The following SLX9 variants were observed in gnomAD, a reference collection of about 807,000 sequenced individuals.
SLX9 encodes SLX9 ribosome biogenesis factor.
A neutral mutation model predicts 20.8 loss-of-function variants in SLX9; 19 were observed. The ratio of observed to expected loss-of-function variants is 0.91; its 90% CI spans 0.64 to 1.34. The LOEUF (loss-of-function observed/expected upper bound fraction) is 1.34, where lower values mean the gene tolerates loss of function less well. Among genes scored for constraint, SLX9 ranks in the 40% most tolerant of loss-of-function variants. The pLI, the probability that SLX9 is intolerant of heterozygous loss-of-function variation, is 0.00. For synonymous variants in SLX9, 113 were observed against 137.1 expected, an observed-to-expected ratio of 0.82 and a Z score of 1.23; for missense variants, 299 against 322.2, an observed-to-expected ratio of 0.93 and a Z score of 0.55.
chr21:44,964,207 G>C (rs2084993475), intron 3 of SLX9, among the ~76,000 whole-genome samples: 1 of 151,908 alleles, frequency 6.6e-6, no homozygotes, highest in African/African-American at 2.4e-5. Context: ...AAATACAATT[G>C]GTTTTTTAAA....
rs781288468 is a variant in SLX9, at chr21:44,940,048, C to T, written c.-10C>T. 3.5e-6 allele frequency: 5 copies of T among 1,447,028 alleles called. No individual in the cohort carries two copies. The Admixed American group carries it at 1.1e-4, about 32-fold the overall frequency. 89.6% of individuals were successfully genotyped at this position (1,447,028 alleles called of 1,614,324 possible). A position where few individuals can be genotyped will look rare whatever the true frequency, so the allele number is the denominator to read the frequency against. ...GGCGCTCCGCACGTTTGCCGTGCTC[C>T]GCCGGGAAGATGGGGAAAGTGAGGG... On this transcript the variant is annotated 5_prime_UTR_variant, in exon 1 of 6. Transcript: ENST00000291634.
intron 2 of SLX9, among the ~76,000 whole-genome samples, chr21:44,956,554 C>T (rs955917398): frequency 8.7e-4 from 133 of 152,184 alleles, no homozygotes; most frequent in Non-Finnish European, 1.8e-4. Flanking sequence ...CTCTGTAGGC[C>T]GCAGCATCTC....
At chr21:44,957,263 G>A (rs2084875460) in intron 2 of SLX9, among the ~76,000 whole-genome samples, 1 of 152,210 alleles carries the variant, frequency 6.6e-6, no homozygotes, top group South Asian at 2.1e-4. Flanking sequence ...CAGAGTCAAG[G>A]GTTAGAGGGG....
chr21:44,971,857 G>T (rs11701017), intron 4 of SLX9, among the ~76,000 whole-genome samples: 77,150 of 152,080 alleles, frequency 0.51, 23,321 homozygotes, highest in South Asian at 0.78. Flanking sequence ...AGGAGAGGCC[G>T]TGGGGAGATG....
chr21:44,950,546 A>G (rs527649302), intron 2 of SLX9, among the ~76,000 whole-genome samples: 16 of 152,302 alleles, frequency 1.1e-4, no homozygotes, highest in East Asian at 5.8e-4. Flanking sequence ...TGGGAGCCCA[A>G]TGACTTGTTT....
chr21:44,959,676 A>T (rs2084919507), intron 2 of SLX9, among the ~76,000 whole-genome samples: 1 of 152,162 alleles, frequency 6.6e-6, no homozygotes, highest in Admixed American at 6.5e-5. Context: ...GCTGGGCCTG[A>T]CGTGACCACA....
At chr21:44,962,837 T>C (rs73906981) in intron 3 of SLX9, among the ~76,000 whole-genome samples, 11,462 of 152,050 alleles carry the variant, frequency 0.075, 1,426 homozygotes, top group African/African-American at 0.26. Context: ...GCCTGCCGTC[T>C]CCTCAGCCTC....
intron 4 of SLX9, among the ~76,000 whole-genome samples, chr21:44,971,946 C>G (rs2085158347): frequency 6.6e-6 from 1 of 152,188 alleles, no homozygotes; most frequent in Admixed American, 6.5e-5. Flanking sequence ...ATGCGAGGGG[C>G]TGTCATCTGC....
chr21:44,962,857 G>A (rs2084968790), intron 3 of SLX9, among the ~76,000 whole-genome samples: 1 of 152,124 alleles, frequency 6.6e-6, no homozygotes. Flanking sequence ...CGGCCGTCTG[G>A]TAATCATGAA....
At chr21:44,960,224 C>A in intron 3 of SLX9, 56 bp downstream of exon 3, 1 of 1,503,532 alleles carries the variant, frequency 6.7e-7, no homozygotes, top group Non-Finnish European at 9.3e-7. Flanking sequence ...ATCCCGTGGG[C>A]CCTCCTATTC....
At chr21:44,944,833 C>G (rs2084613719) in intron 2 of SLX9, among the ~76,000 whole-genome samples, 1 of 152,240 alleles carries the variant, frequency 6.6e-6, no homozygotes, top group Non-Finnish European at 1.5e-5. Flanking sequence ...GCCTGGTAGC[C>G]TCTGGCTGGA....
At chr21:44,963,756 C>G (rs1424641179) in intron 3 of SLX9, among the ~76,000 whole-genome samples, 2 of 151,360 alleles carry the variant, frequency 1.3e-5, no homozygotes, top group Admixed American at 1.3e-4. Flanking sequence ...GTCTTCTGTT[C>G]CATTGATCTA....
At position 44,976,660 on chromosome 21, in the gene SLX9, T is replaced by G; in HGVS notation, c.570-20T>G. On this transcript the variant is annotated intron_variant, in intron 5 of 5. Coordinates refer to ENST00000291634, the MANE Select transcript of SLX9 (RefSeq NM_058190.4). The stretch of plus-strand genomic sequence containing the variant: ...GTCCGGGGGTTCCTGCCTGCTGATC[T>G]GTGGTCTCCATTCTTTCAGCGAGGA... 1 of 1,576,164 alleles carries G rather than the reference T, an allele frequency of 6.3e-7. No individual in the cohort carries two copies. The highest frequency in any genetic ancestry group is 8.6e-7 in the Non-Finnish European group (1 of 1,160,516).
chr21:44,940,672 A>ATTTT (rs34771024), intron 1 of SLX9, among the ~76,000 whole-genome samples: 2,704 of 146,052 alleles, frequency 0.019, 85 homozygotes, highest in African/African-American at 0.065. Context: ...TGCTTTCAGG[A>ATTTT]TTTTTTTTTT....
At chr21:44,941,284 C>T in intron 1 of SLX9, among the ~76,000 whole-genome samples, 1 of 152,126 alleles carries the variant, frequency 6.6e-6, no homozygotes, top group East Asian at 1.9e-4. Flanking sequence ...AGCAGGTGGG[C>T]CTTCTTTGAA....
rs549353198 is a variant in SLX9 at position 44,951,836 on chromosome 21, C to A, written c.283+7999C>A. ...CCTTAGCTAGCAGTGTCTTCAGGAG[C>A]CCTTGCTGCTCTTTGTCCGAGCAGG... On this transcript the variant is annotated intron_variant, in intron 2 of 5. Transcript: ENST00000291634. Among the ~76,000 whole-genome samples, 4 of 152,180 alleles carry A rather than the reference C, an allele frequency of 2.6e-5. No individual in the cohort carries two copies. In the South Asian group the frequency reaches 8.3e-4, roughly 32 times the overall value.
intron 3 of SLX9, among the ~76,000 whole-genome samples, chr21:44,961,139 G>C (rs891435315): frequency 1.3e-5 from 2 of 152,166 alleles, no homozygotes; most frequent in Non-Finnish European, 2.9e-5. Context: ...TGTGAAAGTG[G>C]ATTTGGACGG....
intron 2 of SLX9, among the ~76,000 whole-genome samples, chr21:44,957,462 C>T (rs1454107961): frequency 1.3e-5 from 2 of 152,272 alleles, no homozygotes; most frequent in Non-Finnish European, 2.9e-5. Flanking sequence ...TCCTCCTCCT[C>T]TTCATCTCCA....
chr21:44,973,355 C>G lies in SLX9; in HGVS notation c.569+90C>G, dbSNP rs1475107895. ...TCCAGGGGTTCAGCTCCTATGTGCCCTCACCCCGCCCACCCTCTCCAGGGG... is the reference window on the plus strand; with the variant it reads ...TCCAGGGGTTCAGCTCCTATGTGCCGTCACCCCGCCCACCCTCTCCAGGGG... On this transcript the variant is annotated intron_variant, in intron 5 of 5. Coordinates refer to ENST00000291634, the MANE Select transcript of SLX9 (RefSeq NM_058190.4). The G allele has an allele frequency of 1.0e-5, 10 of 996,332 alleles. No individual in the cohort carries two copies. The Admixed American group carries it at 2.2e-4, about 22-fold the overall frequency. The allele number at this position is 996,332 out of a possible 1,614,324, so 61.7% of individuals were successfully genotyped here. A position where few individuals can be genotyped will look rare whatever the true frequency, so the allele number is the denominator to read the frequency against.
Sources: gnomAD v4.1 joint callset for allele counts (sites outside exome capture counted in the v4.1 genomes callset) on GRCh38, gnomAD v4.1.1 for gene constraint, MANE v1.5 for transcripts, NCBI Gene and HGNC (gene_info 2026-07-23, HGNC 2026-07-21) for gene names.